Variants in PCNX2 observed in about 807,000 individuals in gnomAD.
PCNX2 encodes the protein pecanex-like protein 2.
Under a neutral mutation model 223.8 loss-of-function variants are expected in PCNX2, and 168 were observed. That is an observed-to-expected ratio of 0.75 (90% CI 0.66 to 0.85). The LOEUF is 0.85. Among genes scored for constraint, PCNX2 ranks in the 40% least tolerant of loss-of-function variants. PCNX2 has a pLI of 0.00. For missense variants in PCNX2, 2,507 were observed against 2,675.5 expected, an observed-to-expected ratio of 0.94 and a Z score of 1.39; for synonymous variants, 1,006 against 1,052.6, an observed-to-expected ratio of 0.96 and a Z score of 0.86.
chr1:233,123,996 T>C (rs1236570765), intron 21 of PCNX2, among the ~76,000 whole-genome samples: 1 of 152,206 alleles, frequency 6.6e-6, no homozygotes, highest in Non-Finnish European at 1.5e-5. Flanking sequence ...AGAGGTATCA[T>C]TTATTATTTC....
At chr1:233,188,721 C>T (rs1398619638) in intron 15 of PCNX2, among the ~76,000 whole-genome samples, 1 of 152,140 alleles carries the variant, frequency 6.6e-6, no homozygotes, top group African/African-American at 2.4e-5. Flanking sequence ...TGGGGTTTCA[C>T]CATGTTGGTC....
chr1:233,268,959 GCC>G (rs1660490081), intron 1 of PCNX2, among the ~76,000 whole-genome samples: 1 of 152,170 alleles, frequency 6.6e-6, no homozygotes, highest in African/African-American at 2.4e-5. Context: ...CCAGTGTCAG[GCC>G]CCAAGTAAAG....
chr1:233,258,745 G>C lies in PCNX2; in HGVS notation c.1117C>G (p.Pro373Ala). ...QPGDPLSLHE[P>A]IKIVITMSST... is the part of the protein sequence containing the mutation. ...CTCATCGTGATAACAATTTTTATGG[G>C]CTCATGTAGACTCAGTGGGTCTCCG... is the stretch of plus-strand genomic sequence containing the variant. Residue 373 changes from proline to alanine, a missense_variant, in exon 5 of 34, where the codon CCC (proline) becomes GCC (alanine). Coordinates refer to ENST00000258229, the MANE Select transcript of PCNX2 (RefSeq NM_014801.4). The C allele has an allele frequency of 1.2e-6, 2 of 1,613,904 alleles. No homozygotes were observed. The highest frequency in any genetic ancestry group is 1.7e-6 in the Non-Finnish European group (2 of 1,179,892).
chr1:233,119,617 A>C (rs868134741), intron 21 of PCNX2, among the ~76,000 whole-genome samples: 4 of 151,288 alleles, frequency 2.6e-5, no homozygotes, highest in Middle Eastern at 3.4e-3. Flanking sequence ...AAACAAAACA[A>C]AACAAAAAAA....
intron 32 of PCNX2, among the ~76,000 whole-genome samples, chr1:232,989,599 C>G (rs867718724): frequency 4.6e-5 from 7 of 152,292 alleles, no homozygotes; most frequent in South Asian, 2.1e-4. Flanking sequence ...GTCTGATGCA[C>G]GGTCCTCTCC....
chr1:233,268,427 AAAG>A (rs1378682020), intron 1 of PCNX2, among the ~76,000 whole-genome samples: 6 of 152,176 alleles, frequency 3.9e-5, no homozygotes, highest in African/African-American at 1.2e-4. Flanking sequence ...TTGCAGACAT[AAAG>A]AAGGACACTC....
intron 23 of PCNX2, chr1:233,058,111 A>G (rs1672257939): frequency 1.1e-6 from 1 of 943,316 alleles, no homozygotes. Flanking sequence ...CTTTGAACCT[A>G]TTCCATCATG....
upstream of PCNX2, chr1:233,295,864 CTCTT>C (rs919205730): frequency 1.4e-5 from 3 of 212,242 alleles, no homozygotes; most frequent in Non-Finnish European, 2.8e-5. The surrounding 1 kb of genome is among the most constrained non-coding windows in gnomAD (Gnocchi z 4.1). Flanking sequence ...TTTTCTTTCT[CTCTT>C]TCTCTTTTTC....
At chr1:233,041,332 A>G (rs1445526390) in intron 25 of PCNX2, among the ~76,000 whole-genome samples, 1 of 152,142 alleles carries the variant, frequency 6.6e-6, no homozygotes, top group African/African-American at 2.4e-5. Context: ...AAAATCCAAA[A>G]TCTTAAATGC....
intron 23 of PCNX2, among the ~76,000 whole-genome samples, chr1:233,089,141 T>C (rs1432699692): frequency 6.6e-6 from 1 of 152,086 alleles, no homozygotes; most frequent in Non-Finnish European, 1.5e-5. Context: ...CTGTGAGACA[T>C]AAAAGACACA....
chr1:233,281,148 G>A (rs1243243445), intron 1 of PCNX2, among the ~76,000 whole-genome samples: 1 of 152,226 alleles, frequency 6.6e-6, no homozygotes, highest in Non-Finnish European at 1.5e-5. Flanking sequence ...AAACAAGCCA[G>A]ACAACTGTTT....
At chr1:233,173,978 AT>A (rs1222113552) in intron 17 of PCNX2, among the ~76,000 whole-genome samples, 5 of 148,902 alleles carry the variant, frequency 3.4e-5, no homozygotes, top group African/African-American at 1.2e-4. Context: ...ATAAATCATC[AT>A]TTTTTTCTTT....
At position 233,250,740 on chromosome 1, in the gene PCNX2, G is replaced by C. The variant is rs1659402584; in HGVS notation, c.2221C>G (p.Arg741Gly). 2 of 1,601,468 alleles carry C rather than the reference G, an allele frequency of 1.2e-6. No homozygotes were observed. Among genetic ancestry groups the C allele is most frequent in the East Asian group, 2.2e-5 (1 of 44,542 alleles). The change falls in exon 8 of 34, where the codon CGA becomes GGA. Residue 741 changes from arginine (R) to glycine (G), a missense_variant and splice_region_variant. Around this residue, in one of 3 missense-constraint regions of PCNX2, gnomAD observed 1,031 missense variants for 1,021.7 expected, o/e 1.01. Transcript: ENST00000258229. ...GCCTGGAAACAAAGCTCCACTCACC[G>C]AGCCTGAGAGAGACAGTCATTATTT... ...PSNNDCLSQA[R>G]EMQVSSSSTT...
intron 24 of PCNX2, among the ~76,000 whole-genome samples, chr1:233,056,308 G>A (rs1672189482): frequency 6.6e-6 from 1 of 152,194 alleles, no homozygotes; most frequent in Admixed American, 6.5e-5. Context: ...CAAAACAATT[G>A]AAATCACTAA....
At chr1:232,992,947 T>C (rs1291792225) in intron 32 of PCNX2, among the ~76,000 whole-genome samples, 5 of 152,238 alleles carry the variant, frequency 3.3e-5, no homozygotes, top group African/African-American at 1.2e-4. Context: ...TCCCCAGCCA[T>C]GTGGACCTGT....
At chr1:233,296,980 T>G (rs1394709184), upstream of PCNX2, among the ~76,000 whole-genome samples, 1 of 152,238 alleles carries the variant, frequency 6.6e-6, no homozygotes, top group Non-Finnish European at 1.5e-5. Context: ...CTACTTTACA[T>G]TCATCAGTAG....
At chr1:233,308,524 C>A in the PCNX2 span, among the ~76,000 whole-genome samples, 1 of 151,518 alleles carries the variant, frequency 6.6e-6, no homozygotes, top group African/African-American at 2.4e-5. Context: ...AGGTAAGAAG[C>A]CCCAAAATAT....
rs1272019980 is a variant in PCNX2, at chr1:233,218,082, C to A, written c.2607G>T (p.Trp869Cys). 3 of 1,587,908 alleles carry A rather than the reference C, an allele frequency of 1.9e-6. No individual in the cohort carries two copies. Among genetic ancestry groups the A allele is most frequent in the Non-Finnish European group, 1.7e-6 (2 of 1,166,832 alleles). Reference protein sequence around the residue: ...TLSQGFCKDMWVLLFCLVMAS... With the variant: ...TLSQGFCKDMCVLLFCLVMAS... ...CCATGACGAGGCAGAAGAGGAGCAC[C>A]CACATATCTTTGCAAAAGCCTTGGC... The change falls in exon 11 of 34, where the codon TGG becomes TGT. Residue 869 changes from tryptophan to cysteine, a missense_variant. Transcript: ENST00000258229.
intron 21 of PCNX2, among the ~76,000 whole-genome samples, chr1:233,096,606 C>A (rs922022475): frequency 2.0e-5 from 3 of 152,140 alleles, no homozygotes; most frequent in African/African-American, 4.8e-5. Context: ...AGTATCCCAC[C>A]AGGATTTCTC....
Sources: gnomAD v4.1 joint callset for allele counts (sites outside exome capture counted in the v4.1 genomes callset) on GRCh38, gnomAD v4.1.1 for gene constraint, gnomAD v4.1.1 regional missense constraint, Gnocchi (gnomAD v3.1) non-coding constraint, MANE v1.5 for transcripts, NCBI Gene and HGNC (gene_info 2026-07-23, HGNC 2026-07-21) for gene names.